The following PDZRN3 variants were observed in gnomAD, a reference collection of about 807,000 sequenced individuals.
PDZRN3 encodes E3 ubiquitin-protein ligase PDZRN3.
Under a neutral mutation model 85.7 loss-of-function variants are expected in PDZRN3, and 38 were observed. That is an observed-to-expected ratio of 0.44 (90% CI 0.34 to 0.58). The LOEUF (loss-of-function observed/expected upper bound fraction) is 0.58. Among genes scored for constraint, PDZRN3 ranks in the 20% least tolerant of loss-of-function variants. The probability of loss-of-function intolerance (pLI) is 0.01; values close to 1 mark genes in which losing one functional copy is unlikely to be tolerated. For missense variants in PDZRN3, 1,629 were observed against 1,506.4 expected (o/e 1.08, Z -1.35); for synonymous variants, 759 against 638.0 (o/e 1.19, Z -2.86).
chr3:73,474,234 G>C (rs1473594361), intron 3 of PDZRN3, among the ~76,000 whole-genome samples: 1 of 152,162 alleles, frequency 6.6e-6, no homozygotes, highest in African/African-American at 2.4e-5. Context: ...AATCACCAAA[G>C]AAAAAGATCA....
chr3:73,540,181 T>C (rs1704885781), intron 3 of PDZRN3, among the ~76,000 whole-genome samples: 1 of 149,114 alleles, frequency 6.7e-6, no homozygotes, highest in Admixed American at 6.7e-5. Flanking sequence ...AAAATTCTCA[T>C]AAAATAGGAA....
intron 3 of PDZRN3, among the ~76,000 whole-genome samples, chr3:73,600,249 T>C (rs1251357696): frequency 7.5e-6 from 1 of 133,212 alleles, no homozygotes. Flanking sequence ...CCCATTCCCC[T>C]GAAAAAGAAG....
At chr3:73,508,990 T>A (rs986899315) in intron 3 of PDZRN3, among the ~76,000 whole-genome samples, 3 of 152,120 alleles carry the variant, frequency 2.0e-5, no homozygotes, top group Admixed American at 2.0e-4. Context: ...AAAGACAATT[T>A]CCCCCACCCA....
intron 3 of PDZRN3, among the ~76,000 whole-genome samples, chr3:73,449,728 A>G (rs1484865120): frequency 6.6e-6 from 1 of 152,256 alleles, no homozygotes; most frequent in Non-Finnish European, 1.5e-5. Flanking sequence ...TCCATCATTC[A>G]GTTAAACTGT....
At chr3:73,511,421 C>T (rs1427902616) in intron 3 of PDZRN3, among the ~76,000 whole-genome samples, 1 of 152,184 alleles carries the variant, frequency 6.6e-6, no homozygotes, top group Non-Finnish European at 1.5e-5. Context: ...CGTCTGCATC[C>T]TCTAGAGCTG....
chr3:73,388,935 A>C (rs964125596), intron 7 of PDZRN3, among the ~76,000 whole-genome samples: 3 of 137,716 alleles, frequency 2.2e-5, no homozygotes, highest in African/African-American at 9.6e-5. Flanking sequence ...GCAATCAAAA[A>C]AAAAAAAAAA....
chr3:73,525,127 T>C (rs1364925811), intron 3 of PDZRN3, among the ~76,000 whole-genome samples: 2 of 151,916 alleles, frequency 1.3e-5, no homozygotes, highest in African/African-American at 2.4e-5. Context: ...AAGGTTTTTC[T>C]TGAAATCTTT....
chr3:73,547,245 A>G (rs553781673), intron 3 of PDZRN3, among the ~76,000 whole-genome samples: 1 of 152,356 alleles, frequency 6.6e-6, no homozygotes, highest in Non-Finnish European at 1.5e-5. Context: ...TTTCAGAGTA[A>G]AAGCTCTGGA....
At chr3:73,557,654 TGCCATTC>T (rs1701730274) in intron 3 of PDZRN3, among the ~76,000 whole-genome samples, 3 of 152,100 alleles carry the variant, frequency 2.0e-5, no homozygotes, top group Non-Finnish European at 4.4e-5. Flanking sequence ...TCTGCCATTC[TGCCATTC>T]TGCCATTCAC....
chr3:73,577,485 GCT>G (rs1195100191), intron 3 of PDZRN3, among the ~76,000 whole-genome samples: 3 of 152,090 alleles, frequency 2.0e-5, no homozygotes, highest in East Asian at 3.9e-4. Flanking sequence ...TTTCCACCCT[GCT>G]CTCTGTCCCC....
Position 73,384,212 on chromosome 3 carries a change from C to A in PDZRN3, c.2354G>T (p.Gly785Val). 2 of 1,613,796 alleles carry A rather than the reference C, an allele frequency of 1.2e-6. No homozygotes were observed. The highest frequency in any genetic ancestry group is 2.2e-5 in the South Asian group (2 of 91,088). The change falls in exon 10 of 10, where the codon GGC becomes GTC. Residue 785 changes from glycine to valine, a missense_variant. Gly to Val is a moderately radical substitution (Grantham distance 109). Transcript: ENST00000263666. ...CCCTTCGCTGCTCGGGCAGCTGATG[C>A]CCTCCGCCGCTCTCCTCAAGGAGTT... is the stretch of plus-strand genomic sequence containing the variant. ...PDNSLRRAAE[G>V]ISCPSSEGAV...
At position 73,388,020 on chromosome 3, in the gene PDZRN3, G is replaced by C. The variant is rs758721600; in HGVS notation, c.1466C>G (p.Thr489Ser). ...TGAAAAGTTTTTATTTTCTTCACTG[G>C]TTAGAAGAGCCACAGCCTCTTCACG... is the stretch of plus-strand genomic sequence containing the variant. The part of the protein sequence containing the change: ...QNREEAVALL[T>S]SEENKNFSLL... Residue 489 changes from threonine to serine, a missense_variant, in exon 8 of 10, where the codon ACC becomes AGC. Physicochemically the swap from Thr to Ser is moderately conservative, Grantham distance 58. Coordinates refer to ENST00000263666, the MANE Select transcript of PDZRN3 (RefSeq NM_015009.3). 11 of 1,426,322 alleles carry C rather than the reference G, an allele frequency of 7.7e-6. No homozygotes were observed. In the South Asian group the frequency reaches 1.3e-4, roughly 16 times the overall value. 88.4% of individuals were successfully genotyped at this position (1,426,322 alleles called of 1,614,324 possible).
chr3:73,423,182 T>G, intron 3 of PDZRN3, among the ~76,000 whole-genome samples: 1 of 152,244 alleles, frequency 6.6e-6, no homozygotes, highest in Non-Finnish European at 1.5e-5. Flanking sequence ...TTATGAAGGA[T>G]AGTAATTTCT....
chr3:73,572,898 A>G (rs1702065358), intron 3 of PDZRN3, among the ~76,000 whole-genome samples: 1 of 152,226 alleles, frequency 6.6e-6, no homozygotes. Flanking sequence ...GAATTTTGAA[A>G]AGATGGCTCC....
At chr3:73,570,661 G>A (rs1702033255) in intron 3 of PDZRN3, among the ~76,000 whole-genome samples, 1 of 152,134 alleles carries the variant, frequency 6.6e-6, no homozygotes, top group Non-Finnish European at 1.5e-5. Context: ...CCTTGATTTT[G>A]ACTGATCCGG....
intron 3 of PDZRN3, among the ~76,000 whole-genome samples, chr3:73,500,062 TC>T (rs1179186378): frequency 6.6e-6 from 1 of 152,134 alleles, no homozygotes; most frequent in East Asian, 1.9e-4. Flanking sequence ...TTGCTTTTTT[TC>T]CCCCACCTTC....
At chr3:73,463,603 G>A (rs540381924) in intron 3 of PDZRN3, among the ~76,000 whole-genome samples, 6 of 152,282 alleles carry the variant, frequency 3.9e-5, no homozygotes, top group African/African-American at 1.4e-4. Context: ...TGCAACCATT[G>A]TGGAAGACAG....
At chr3:73,485,006 T>C (rs201337865) in intron 3 of PDZRN3, among the ~76,000 whole-genome samples, 20 of 152,322 alleles carry the variant, frequency 1.3e-4, no homozygotes, top group East Asian at 1.2e-3. Context: ...GGAGCATTCA[T>C]CTATTCTAAC....
In PDZRN3 at chr3:73,481,887, C is replaced by A. The variant is rs144020722; in HGVS notation, c.919-77492G>T. Among the ~76,000 whole-genome samples, 561 of 152,250 alleles carry A rather than the reference C, an allele frequency of 3.7e-3. 3 individuals carry two copies. Among genetic ancestry groups the A allele is most frequent in the African/African-American group, 0.013 (544 of 41,524 alleles). On this transcript the variant is annotated intron_variant, in intron 3 of 9. Coordinates refer to ENST00000263666, the MANE Select transcript of PDZRN3 (RefSeq NM_015009.3). ...AAAAAAAGAATTCCTCCTTCCCTTC[C>A]AAAAAACAGAAACCATCCCTTCGCA...
Sources: gnomAD v4.1 joint callset for allele counts (sites outside exome capture counted in the v4.1 genomes callset) on GRCh38, gnomAD v4.1.1 for gene constraint, MANE v1.5 for transcripts, NCBI Gene and HGNC (gene_info 2026-07-23, HGNC 2026-07-21) for gene names.